The following NRXN1 variants were observed in gnomAD, a reference collection of about 807,000 sequenced individuals.
NRXN1 encodes neurexin 1.
A neutral mutation model predicts 150.9 loss-of-function variants in NRXN1; 39 were observed. That is an observed-to-expected ratio of 0.26 (90% CI 0.20 to 0.34). The LOEUF (loss-of-function observed/expected upper bound fraction) is 0.34, where lower values mean the gene tolerates loss of function less well. NRXN1 is among the 10% of genes least tolerant of loss of function. NRXN1 has a pLI of 1.00. For synonymous variants in NRXN1, 924 were observed against 757.0 expected, an observed-to-expected ratio of 1.22 and a Z score of -3.62; for missense variants, 1,815 against 1,949.9, an observed-to-expected ratio of 0.93 and a Z score of 1.30.
At chr2:50,199,128 C>T (rs1029941727) in intron 18 of NRXN1, 3 of 152,052 alleles carry the variant, frequency 2.0e-5, no homozygotes, top group South Asian at 2.1e-4. Flanking sequence ...CACCAATTTT[C>T]GCAGAAATAT....
intron 2 of NRXN1, among the ~76,000 whole-genome samples, chr2:50,997,764 T>C (rs1168068083): frequency 7.1e-6 from 1 of 141,722 alleles, no homozygotes; most frequent in African/African-American, 3.0e-5. Context: ...CCGCCTCCAC[T>C]TCCCAAAATG....
At chr2:50,021,073 GATA>G (rs758174004) in intron 21 of NRXN1, among the ~76,000 whole-genome samples, 47 of 152,156 alleles carry the variant, frequency 3.1e-4, no homozygotes, top group Non-Finnish European at 2.8e-4. Flanking sequence ...ACTATTAATA[GATA>G]ATGTCAACTC....
chr2:50,883,046 G>C (rs767263218), intron 5 of NRXN1, among the ~76,000 whole-genome samples: 5 of 151,716 alleles, frequency 3.3e-5, no homozygotes, highest in Non-Finnish European at 7.4e-5. Context: ...TTTTTAAATT[G>C]TAATATAACA....
intron 5 of NRXN1, among the ~76,000 whole-genome samples, chr2:50,803,178 A>T (rs1282416397): frequency 1.3e-5 from 2 of 152,216 alleles, no homozygotes; most frequent in African/African-American, 4.8e-5. Context: ...ATTTCTGCTG[A>T]TTTGATTACA....
chr2:50,658,962 G>A (rs1285498126), intron 5 of NRXN1, among the ~76,000 whole-genome samples: 2 of 152,020 alleles, frequency 1.3e-5, no homozygotes, highest in Non-Finnish European at 2.9e-5. Context: ...TTTGAGAAAT[G>A]AGCCATGAAC....
rs57580154 is a variant in NRXN1 at position 50,026,859 on chromosome 2, C to CTT, written c.4128+26410_4128+26411dup. On this transcript the variant is annotated intron_variant, in intron 21 of 22. Transcript: ENST00000401669. ...TTGCATTGTTTAAGTCTTTTCTTTT[C>CTT]TTTTTTTTTTTTTTTTTTTTTTTTT... Among the ~76,000 whole-genome samples the CTT allele has an allele frequency of 5.5e-4, 36 of 65,230 alleles. 8 individuals carry two copies. Among genetic ancestry groups the CTT allele is most frequent in the African/African-American group, 1.2e-3 (18 of 15,534 alleles). The allele number at this position is 65,230 out of a possible 152,430, so 42.8% of individuals were successfully genotyped here.
intron 19 of NRXN1, among the ~76,000 whole-genome samples, chr2:50,087,102 C>T (rs1017913861): frequency 2.0e-5 from 3 of 152,160 alleles, no homozygotes; most frequent in African/African-American, 4.8e-5. Context: ...TACTGCACCA[C>T]TCACTTCAAA....
At chr2:50,733,668 G>A (rs1342529334) in intron 5 of NRXN1, among the ~76,000 whole-genome samples, 1 of 152,000 alleles carries the variant, frequency 6.6e-6, no homozygotes, top group Non-Finnish European at 1.5e-5. Flanking sequence ...GTGGATAATT[G>A]GCATGATCTT....
intron 18 of NRXN1, among the ~76,000 whole-genome samples, chr2:50,224,502 A>G (rs1203033549): frequency 6.6e-6 from 1 of 151,932 alleles, no homozygotes; most frequent in Non-Finnish European, 1.5e-5. Context: ...ATAATAGGGT[A>G]AGCATGATTT....
At chr2:50,735,577 T>TTTTGGTAAAACTATTGTTTGTCTTTTC (rs1698634645) in intron 5 of NRXN1, among the ~76,000 whole-genome samples, 1 of 152,150 alleles carries the variant, frequency 6.6e-6, no homozygotes, top group Non-Finnish European at 1.5e-5. Flanking sequence ...CAGTCCCTCA[T>TTTTGGTAAAACTATTGTTTGTCTTTTC]TTTGGTAAAA....
At chr2:51,023,287 T>C (rs1344942684) in intron 2 of NRXN1, among the ~76,000 whole-genome samples, 1 of 152,168 alleles carries the variant, frequency 6.6e-6, no homozygotes, top group African/African-American at 2.4e-5. Context: ...ACTCTTTGCA[T>C]TACTATTTTA....
chr2:50,279,971 A>T (rs923972250), intron 17 of NRXN1, among the ~76,000 whole-genome samples: 1 of 152,192 alleles, frequency 6.6e-6, no homozygotes, highest in Non-Finnish European at 1.5e-5. Flanking sequence ...AAGAAAAAGT[A>T]TTCTATTAAA....
intron 15 of NRXN1, among the ~76,000 whole-genome samples, chr2:50,477,254 A>T (rs988782744): frequency 6.6e-6 from 1 of 152,230 alleles, no homozygotes; most frequent in African/African-American, 2.4e-5. Flanking sequence ...GCTGGCTGAA[A>T]AAAATAAATA....
chr2:51,007,646 A>G (rs1346485509), intron 2 of NRXN1, among the ~76,000 whole-genome samples: 1 of 151,884 alleles, frequency 6.6e-6, no homozygotes, highest in East Asian at 1.9e-4. Context: ...AGAGTTAGAC[A>G]GGTTAAATAC....
intron 2 of NRXN1, among the ~76,000 whole-genome samples, chr2:51,020,271 A>G (rs1477435478): frequency 2.0e-5 from 3 of 151,630 alleles, no homozygotes; most frequent in Non-Finnish European, 4.4e-5. Context: ...CTTCATATAA[A>G]CAGAATTATA....
intron 15 of NRXN1, among the ~76,000 whole-genome samples, chr2:50,482,793 G>A (rs2104797828): frequency 6.6e-6 from 1 of 152,190 alleles, no homozygotes; most frequent in Non-Finnish European, 1.5e-5. Flanking sequence ...TGATAAAACA[G>A]AATGCAATAA....
intron 15 of NRXN1, among the ~76,000 whole-genome samples, chr2:50,493,911 T>G (rs1388678851): frequency 6.6e-6 from 1 of 152,234 alleles, no homozygotes; most frequent in Non-Finnish European, 1.5e-5. Context: ...ATGCCATTTT[T>G]AAGTTCATAC....
intron 18 of NRXN1, among the ~76,000 whole-genome samples, chr2:50,230,297 T>TA (rs1290443677): frequency 6.6e-6 from 1 of 151,982 alleles, no homozygotes. Flanking sequence ...GCTCATTTTT[T>TA]AAAAAAAGTT....
intron 18 of NRXN1, among the ~76,000 whole-genome samples, chr2:50,093,735 C>G (rs992108055): frequency 6.6e-6 from 1 of 152,158 alleles, no homozygotes; most frequent in Admixed American, 6.5e-5. Context: ...TAAATACTAA[C>G]TCTGGTATTC....
Sources: allele counts gnomAD v4.1 joint callset (sites outside exome capture counted in the v4.1 genomes callset), GRCh38; gene constraint gnomAD v4.1.1; transcripts MANE v1.5; gene names NCBI Gene and HGNC (gene_info 2026-07-23, HGNC 2026-07-21).